Variants in ANK1 observed in about 807,000 individuals in gnomAD.
ANK1 encodes ankyrin-1.
In ANK1, 51 loss-of-function variants were observed where a neutral mutation model predicts 210.4. The ratio of observed to expected loss-of-function variants is 0.24; its 90% CI spans 0.19 to 0.31. The LOEUF (loss-of-function observed/expected upper bound fraction) is 0.31. ANK1 is among the 10% of genes least tolerant of loss of function. ANK1 has a pLI of 1.00. For missense variants in ANK1, 2,051 were observed against 2,504.4 expected (o/e 0.82, Z 3.86); for synonymous variants, 967 against 1,025.9 (o/e 0.94, Z 1.10).
intron 1 of ANK1, among the ~76,000 whole-genome samples, chr8:41,823,381 A>G: frequency 6.6e-6 from 1 of 152,230 alleles, no homozygotes; most frequent in Non-Finnish European, 1.5e-5. Context: ...TCTCCAGTGA[A>G]GTAATCTTTA....
chr8:41,823,854 A>G (rs1804890201), intron 1 of ANK1, among the ~76,000 whole-genome samples: 1 of 152,226 alleles, frequency 6.6e-6, no homozygotes, highest in Non-Finnish European at 1.5e-5. Context: ...TTCCTAACCC[A>G]ATATTATTAA....
chr8:41,762,447 GT>G (rs1261194958), intron 1 of ANK1, among the ~76,000 whole-genome samples: 1 of 152,084 alleles, frequency 6.6e-6, no homozygotes, highest in Non-Finnish European at 1.5e-5. Flanking sequence ...CAGCCAAACT[GT>G]TTGCTTCTTG....
At position 41,661,919 on chromosome 8, in the gene ANK1, T is replaced by G. The variant is rs764722108; in HGVS notation, c.5501A>C (p.Gln1834Pro). 6 of 1,614,032 alleles carry G rather than the reference T, an allele frequency of 3.7e-6. No individual in the cohort carries two copies. The Admixed American group carries it at 1.0e-4, about 27-fold the overall frequency. ...TKKIIRKVVR[Q>P]IDLSSADAAQ... ...GGCATCGGCGCTGGACAAGTCTATCTGTCGAACCACCTTGCGAATGATCTA... is the reference window on the plus strand; with the variant it reads ...GGCATCGGCGCTGGACAAGTCTATCGGTCGAACCACCTTGCGAATGATCTA... The change falls in exon 41 of 43, where the codon CAG (glutamine) becomes CCG (proline). Residue 1834 changes from glutamine (Q) to proline (P), a missense_variant. By Grantham distance (76) the Gln-to-Pro change is moderately conservative. Around this residue, in one of 6 missense-constraint regions of ANK1, gnomAD observed 496 missense variants for 533.4 expected, o/e 0.93. Coordinates refer to ENST00000289734, the MANE Select transcript of ANK1 (RefSeq NM_000037.4).
In ANK1 at chr8:41,803,003, A is replaced by G. The variant is rs142063800; in HGVS notation, c.127-44866T>C. Among the ~76,000 whole-genome samples, 382 of 47,738 alleles carry G rather than the reference A, an allele frequency of 8.0e-3. 3 individuals carry two copies. The highest frequency in any genetic ancestry group is 0.015 in the South Asian group (18 of 1,164). The allele number at this position is 47,738 out of a possible 152,430, so 31.3% of individuals were successfully genotyped here. A position where few individuals can be genotyped will look rare whatever the true frequency, so the allele number is the denominator to read the frequency against. On this transcript the variant is annotated intron_variant, in intron 1 of 42. Transcript: ENST00000265709. Reference sequence around the variant, plus strand: ...AAAGAAAGAGAGAAAGAGAGAAAGAAAGAAAGAAAGAAAGAAAGAAAGAAA... The same window carrying G: ...AAAGAAAGAGAGAAAGAGAGAAAGAGAGAAAGAAAGAAAGAAAGAAAGAAA...
intron 1 of ANK1, among the ~76,000 whole-genome samples, chr8:41,792,320 C>T (rs1008590985): frequency 6.6e-6 from 1 of 152,186 alleles, no homozygotes; most frequent in Non-Finnish European, 1.5e-5. Context: ...GCTGAGAAAC[C>T]TCGTCCGGCA....
chr8:41,724,418 G>C, intron 7 of ANK1, 38 bp downstream of exon 7: 1 of 1,514,474 alleles, frequency 6.6e-7, no homozygotes, highest in Non-Finnish European at 9.0e-7. Flanking sequence ...CCAGCCCCAA[G>C]CCCCCGGACA....
In ANK1 at chr8:41,764,443, C is replaced by CA. The variant is rs1841286926; in HGVS notation, c.28-6307dup. 3.3e-5 allele frequency among the ~76,000 whole-genome samples: 5 copies of CA among 152,106 alleles called. No homozygotes were observed. In the South Asian group the frequency reaches 1.0e-3, roughly 32 times the overall value. On this transcript the variant is annotated intron_variant, in intron 1 of 42. Coordinates refer to ENST00000289734, the MANE Select transcript of ANK1 (RefSeq NM_000037.4). ...ACATTTACCTGAGCACATACTGACC[C>CA]AAAAAACAACAGCAACAAAATACAA... is the stretch of plus-strand genomic sequence containing the variant.
Position 41,688,507 on chromosome 8 carries a change from G to T in ANK1, c.4183+4C>A. 6.2e-7 allele frequency: 1 copy of T among 1,613,792 alleles called. No homozygotes were observed. Among genetic ancestry groups the T allele is most frequent in the Non-Finnish European group, 8.5e-7 (1 of 1,179,654 alleles). Reference sequence around the variant, plus strand: ...AAGCATGCATCATCACACAGAGGCCGTACCTGGTGTGGACTCACTGAGAAT... The same window carrying T: ...AAGCATGCATCATCACACAGAGGCCTTACCTGGTGTGGACTCACTGAGAAT... On this transcript the variant is annotated splice_donor_region_variant and intron_variant, in intron 34 of 42. Coordinates refer to ENST00000289734, the MANE Select transcript of ANK1 (RefSeq NM_000037.4).
chr8:41,883,731 A>AT, intron 1 of ANK1, among the ~76,000 whole-genome samples: 1 of 152,300 alleles, frequency 6.6e-6, no homozygotes, highest in East Asian at 1.9e-4. Context: ...AAGAGCTGGG[A>AT]TTACAGGCAT....
chr8:41,862,871 G>A (rs772847411), intron 1 of ANK1, among the ~76,000 whole-genome samples: 20 of 151,948 alleles, frequency 1.3e-4, no homozygotes, highest in Non-Finnish European at 2.4e-4. Context: ...AAAATTGGCT[G>A]GGTGGTGGCA....
chr8:41,847,848 C>G (rs1424385140), intron 1 of ANK1, among the ~76,000 whole-genome samples: 2 of 152,114 alleles, frequency 1.3e-5, no homozygotes, highest in Non-Finnish European at 2.9e-5. Context: ...ATATGATTAT[C>G]TGATAGATTT....
At chr8:41,752,514 G>A (rs1299569150) in intron 2 of ANK1, among the ~76,000 whole-genome samples, 2 of 152,048 alleles carry the variant, frequency 1.3e-5, no homozygotes, top group Admixed American at 1.3e-4. Flanking sequence ...ATTTCTGCTT[G>A]GATTCCTCAG....
chr8:41,738,622 C>T (rs1341297875), intron 2 of ANK1, among the ~76,000 whole-genome samples: 1 of 152,184 alleles, frequency 6.6e-6, no homozygotes. Flanking sequence ...AGGAGGACTG[C>T]AAATTATGTG....
At chr8:41,856,642 T>G (rs1218617168) in intron 1 of ANK1, among the ~76,000 whole-genome samples, 1 of 152,080 alleles carries the variant, frequency 6.6e-6, no homozygotes, top group African/African-American at 2.4e-5. Flanking sequence ...TACTCCAAAA[T>G]TAGGAACATT....
chr8:41,872,610 G>A (rs933851627), intron 1 of ANK1, among the ~76,000 whole-genome samples: 6 of 152,360 alleles, frequency 3.9e-5, no homozygotes, highest in Middle Eastern at 3.4e-3. Context: ...GCGTCCAGCC[G>A]CAGATGCATT....
chr8:41,671,084 G>A (rs1219377311), intron 38 of ANK1, among the ~76,000 whole-genome samples: 10 of 152,192 alleles, frequency 6.6e-5, no homozygotes, highest in Admixed American at 2.0e-4. Flanking sequence ...AAGGTGAGCC[G>A]GTCCTCGGCC....
chr8:41,724,488 T>A lies in ANK1; in HGVS notation c.679A>T (p.Asn227Tyr). 4 of 1,597,522 alleles carry A rather than the reference T, an allele frequency of 2.5e-6. No individual in the cohort carries two copies. The highest frequency in any genetic ancestry group is 3.4e-6 in the Non-Finnish European group (4 of 1,172,136). Reference protein sequence around the residue: ...ENLNVAQLLLNRGASVNFTPQ... With the variant: ...ENLNVAQLLLYRGASVNFTPQ... ...GTGAAATTGACGCTGGCTCCTCTGTTGAGGAGCAACTGGGCCACGTTGAGG... is the reference window on the plus strand; with the variant it reads ...GTGAAATTGACGCTGGCTCCTCTGTAGAGGAGCAACTGGGCCACGTTGAGG... Residue 227 changes from asparagine (N) to tyrosine (Y), a missense_variant, in exon 7 of 43, where the codon AAC (asparagine) becomes TAC (tyrosine). Transcript: ENST00000289734.
At chr8:41,857,379 A>G (rs751444739) in intron 1 of ANK1, among the ~76,000 whole-genome samples, 2 of 150,174 alleles carry the variant, frequency 1.3e-5, no homozygotes, top group Non-Finnish European at 3.0e-5. Context: ...AGGTGGATCA[A>G]CCGAGGTCAG....
chr8:41,810,717 A>G (rs1381499038), intron 1 of ANK1, among the ~76,000 whole-genome samples: 1 of 152,238 alleles, frequency 6.6e-6, no homozygotes, highest in Non-Finnish European at 1.5e-5. Flanking sequence ...GCTGCCCAGA[A>G]AGCCAAAAGC....
Sources: gnomAD v4.1 joint callset for allele counts (sites outside exome capture counted in the v4.1 genomes callset) on GRCh38, gnomAD v4.1.1 for gene constraint, gnomAD v4.1.1 regional missense constraint, MANE v1.5 for transcripts, NCBI Gene and HGNC (gene_info 2026-07-23, HGNC 2026-07-21) for gene names.